AGK: variants seen among roughly 807,000 people sequenced by gnomAD.
AGK encodes acylglycerol kinase, mitochondrial.
Under a neutral mutation model 66.4 loss-of-function variants are expected in AGK, and 52 were observed. The ratio of observed to expected loss-of-function variants is 0.78; its 90% CI spans 0.63 to 0.99. AGK has a LOEUF of 0.99. Ranked by LOEUF, AGK falls within the 50% of genes least tolerant of loss-of-function variation. AGK has a pLI of 0.00. For missense variants in AGK, 451 were observed against 506.6 expected (o/e 0.89, Z 1.05); for synonymous variants, 182 against 181.1 (o/e 1.00, Z -0.04).
chr7:141,619,765 T>TA (rs367642436), intron 8 of AGK, among the ~76,000 whole-genome samples: 47 of 152,112 alleles, frequency 3.1e-4, no homozygotes, highest in African/African-American at 1.0e-3. Flanking sequence ...GTAGCCACTT[T>TA]AGAAAATGGT....
chr7:141,573,128 A>G (rs1030987548), intron 2 of AGK, among the ~76,000 whole-genome samples: 1 of 152,152 alleles, frequency 6.6e-6, no homozygotes, highest in Admixed American at 6.5e-5. Context: ...TAGCCATTTC[A>G]AAGTTTATCT....
chr7:141,637,329 C>T (rs113605697), intron 11 of AGK, among the ~76,000 whole-genome samples: 2 of 152,068 alleles, frequency 1.3e-5, no homozygotes, highest in Middle Eastern at 3.4e-3. Context: ...TATTCTTCAG[C>T]GATTATTTTA....
In AGK at chr7:141,654,761, A is replaced by T. The variant is rs1365023224; in HGVS notation, c.*1837A>T. ...TAGCTACAGGCTCTCTCTCAGGCAG[A>T]TCCCTTTTAAGATACATACACCATG... On this transcript the variant is annotated 3_prime_UTR_variant, in exon 16 of 16. Transcript: ENST00000649286. 5 of 152,314 alleles carry T rather than the reference A, an allele frequency of 3.3e-5. No individual in the cohort carries two copies. Among genetic ancestry groups the T allele is most frequent in the African/African-American group, 1.2e-4 (5 of 41,444 alleles). 9.4% of individuals were successfully genotyped at this position (152,314 alleles called of 1,614,324 possible). A position where few individuals can be genotyped will look rare whatever the true frequency, so the allele number is the denominator to read the frequency against.
chr7:141,575,494 T>G (rs2116885569), intron 2 of AGK, among the ~76,000 whole-genome samples: 1 of 152,264 alleles, frequency 6.6e-6, no homozygotes, highest in Admixed American at 6.5e-5. Flanking sequence ...TATTGAACTT[T>G]GTTACTAATG....
intron 9 of AGK, among the ~76,000 whole-genome samples, chr7:141,627,201 A>T (rs1350139061): frequency 9.2e-5 from 14 of 152,198 alleles, no homozygotes; most frequent in Non-Finnish European, 2.1e-4. Context: ...AGGGTTCTCT[A>T]TTAAAAAATA....
intron 12 of AGK, 108 bp downstream of exon 12, chr7:141,641,506 T>C (rs924846420): frequency 1.3e-5 from 16 of 1,266,416 alleles, no homozygotes; most frequent in African/African-American, 3.0e-5. Flanking sequence ...AGGAGAAGCC[T>C]CTCAGGGATC....
At chr7:141,634,425 AC>A (rs1211679112) in intron 10 of AGK, among the ~76,000 whole-genome samples, 1 of 152,120 alleles carries the variant, frequency 6.6e-6, no homozygotes, top group Non-Finnish European at 1.5e-5. Context: ...AGATTGGGAG[AC>A]CACAGGCCGC....
chr7:141,628,965 C>T (rs115637881), intron 9 of AGK, among the ~76,000 whole-genome samples: 162 of 152,144 alleles, frequency 1.1e-3, no homozygotes, highest in African/African-American at 3.8e-3. Context: ...TTCTTAAGAC[C>T]CTGCCAACCC....
Position 141,641,253 on chromosome 7 carries a change from G to A in AGK, c.732G>A (p.Trp244Ter), listed in dbSNP as rs1797280356. 1 of 1,611,364 alleles carries A rather than the reference G, an allele frequency of 6.2e-7. No homozygotes were observed. The highest frequency in any genetic ancestry group is 2.2e-5 in the East Asian group (1 of 44,852). ...TTCTCTCTCCACATTAAAAGGAGTGGCCTCAGACTCATCAAGCCTCTATCT... is the reference window on the plus strand; with the variant it reads ...TTCTCTCTCCACATTAAAAGGAGTGACCTCAGACTCATCAAGCCTCTATCT... ...AAHFFSTLKE[W>*]PQTHQASISY... is the part of the protein sequence containing the mutation. The change falls in exon 12 of 16, where the codon TGG becomes TGA. Residue 244 changes from tryptophan to a stop codon, truncating the protein, a stop_gained. Coordinates refer to ENST00000649286, the MANE Select transcript of AGK (RefSeq NM_018238.4). LOFTEE classifies it high-confidence loss of function.
intron 9 of AGK, among the ~76,000 whole-genome samples, chr7:141,632,180 G>A (rs1245676005): frequency 1.3e-5 from 2 of 150,906 alleles, no homozygotes; most frequent in Non-Finnish European, 1.5e-5. Flanking sequence ...GCAATTAGCC[G>A]AGATCGTGCC....
intron 2 of AGK, among the ~76,000 whole-genome samples, chr7:141,563,310 A>T (rs1036964772): frequency 6.6e-6 from 1 of 152,150 alleles, no homozygotes; most frequent in Non-Finnish European, 1.5e-5. Context: ...GGGTGTAAGG[A>T]TGTTGGGATT....
At chr7:141,594,258 G>A in intron 3 of AGK, 1 of 152,528 alleles carries the variant, frequency 6.6e-6, no homozygotes. Context: ...ACAGTGGTGT[G>A]ATGTTGGCTC....
chr7:141,612,329 A>C (rs1384849478), intron 6 of AGK, among the ~76,000 whole-genome samples: 1 of 152,224 alleles, frequency 6.6e-6, no homozygotes, highest in African/African-American at 2.4e-5. Context: ...AGAGGGATGA[A>C]TAGGCAGAGC....
At chr7:141,558,165 CT>C (rs543715831) in intron 2 of AGK, among the ~76,000 whole-genome samples, 9 of 148,076 alleles carry the variant, frequency 6.1e-5, no homozygotes, top group Admixed American at 2.0e-4. Context: ...TTTACCTTTT[CT>C]TTTTTTTTTG....
At chr7:141,646,304 G>A (rs918503206) in intron 13 of AGK, among the ~76,000 whole-genome samples, 55 of 152,116 alleles carry the variant, frequency 3.6e-4, no homozygotes, top group African/African-American at 1.3e-3. Flanking sequence ...TTACCTACCA[G>A]TGAGCAGGCG....
In AGK at chr7:141,615,474, A is replaced by C; in HGVS notation, c.427A>C (p.Thr143Pro). 6.2e-7 allele frequency: 1 copy of C among 1,613,036 alleles called. No individual in the cohort carries two copies. Among genetic ancestry groups the C allele is most frequent in the Non-Finnish European group, 8.5e-7 (1 of 1,179,274 alleles). The change falls in exon 8 of 16, where the codon ACC becomes CCC. Residue 143 changes from threonine to proline, a missense_variant. Thr to Pro is a conservative substitution (Grantham distance 38, BLOSUM62 -1). Coordinates refer to ENST00000649286, the MANE Select transcript of AGK (RefSeq NM_018238.4). The stretch of plus-strand genomic sequence containing the variant: ...TTCCTCTTCTTTCCCCCCCCAGGCT[A>C]CCTTCAGTAAGATTCCCATTGGATT... ...TGVLRRTDEA[T>P]FSKIPIGFIP...
chr7:141,565,389 AC>A (rs1388944301), intron 2 of AGK, among the ~76,000 whole-genome samples: 1 of 152,042 alleles, frequency 6.6e-6, no homozygotes, highest in Non-Finnish European at 1.5e-5. Context: ...GGTGGCTCAC[AC>A]CTGTAATCCC....
intron 2 of AGK, among the ~76,000 whole-genome samples, chr7:141,590,097 T>G (rs1156324352): frequency 3.3e-5 from 5 of 152,342 alleles, no homozygotes; most frequent in African/African-American, 1.2e-4. Flanking sequence ...ATAATCAGAA[T>G]TTTACTTCTA....
At chr7:141,616,859 C>T (rs958670170) in intron 8 of AGK, among the ~76,000 whole-genome samples, 3 of 151,358 alleles carry the variant, frequency 2.0e-5, no homozygotes, top group Non-Finnish European at 4.4e-5. Flanking sequence ...CCCAGGTTCA[C>T]GCCATTCTCT....
Sources: allele counts gnomAD v4.1 joint callset (sites outside exome capture counted in the v4.1 genomes callset), GRCh38; gene constraint gnomAD v4.1.1; transcripts MANE v1.5; gene names NCBI Gene and HGNC (gene_info 2026-07-23, HGNC 2026-07-21).